TMTC4: variants seen among roughly 807,000 people sequenced by gnomAD.
TMTC4 encodes the protein transmembrane O-mannosyltransferase targeting cadherins 4.
TMTC4 carries 65 observed loss-of-function variants against 86.0 expected under a neutral mutation model. That is an observed-to-expected ratio of 0.76 (90% CI 0.62 to 0.93). The LOEUF (loss-of-function observed/expected upper bound fraction) is 0.93. TMTC4 is among the 40% of genes least tolerant of loss of function. The pLI, the probability that TMTC4 is intolerant of heterozygous loss-of-function variation, is 0.00. For missense variants in TMTC4, 866 were observed against 948.1 expected (o/e 0.91, Z 1.14); for synonymous variants, 379 against 382.5 (o/e 0.99, Z 0.11).
At chr13:100,632,867 T>C (rs114686077) in intron 12 of TMTC4, among the ~76,000 whole-genome samples, 1 of 152,322 alleles carries the variant, frequency 6.6e-6, no homozygotes, top group African/African-American at 2.4e-5. Flanking sequence ...GCAGCTCTTA[T>C]GCTGAGGACC....
intron 12 of TMTC4, among the ~76,000 whole-genome samples, chr13:100,633,956 A>G (rs1239543448): frequency 1.3e-5 from 2 of 152,194 alleles, no homozygotes; most frequent in African/African-American, 4.8e-5. Flanking sequence ...CTTGGCCAAC[A>G]TGGTGAAACT....
At chr13:100,674,709 G>A in intron 1 of TMTC4, 35 bp downstream of exon 1, 1 of 983,396 alleles carries the variant, frequency 1.0e-6, no homozygotes, top group Non-Finnish European at 1.2e-6. Flanking sequence ...GCCCCGCGGC[G>A]CGCTCGGCCC....
intron 6 of TMTC4, among the ~76,000 whole-genome samples, chr13:100,655,259 G>C (rs1884957982): frequency 6.6e-6 from 1 of 152,208 alleles, no homozygotes; most frequent in Non-Finnish European, 1.5e-5. Context: ...CTGACCTCAA[G>C]TGATCTGCTC....
chr13:100,631,926 C>A (rs902343348), intron 12 of TMTC4, among the ~76,000 whole-genome samples: 1 of 151,772 alleles, frequency 6.6e-6, no homozygotes. Flanking sequence ...TGAATAGAAT[C>A]ATTGAAAAAT....
intron 16 of TMTC4, among the ~76,000 whole-genome samples, chr13:100,613,099 G>A (rs111344020): frequency 3.3e-5 from 5 of 152,184 alleles, no homozygotes; most frequent in Admixed American, 1.3e-4. Context: ...ATTTCTTTAC[G>A]TTAGGAACAT....
At chr13:100,641,953 T>C (rs1566609134) in intron 7 of TMTC4, among the ~76,000 whole-genome samples, 2 of 152,226 alleles carry the variant, frequency 1.3e-5, no homozygotes, top group Non-Finnish European at 2.9e-5. Context: ...AGAGCACTCA[T>C]CATGGCTCCC....
chr13:100,642,153 T>C (rs967617133), intron 7 of TMTC4, 58 bp downstream of exon 7: 4 of 1,581,990 alleles, frequency 2.5e-6, no homozygotes, highest in Admixed American at 3.4e-5. Flanking sequence ...CAGATGTCTT[T>C]ATAGGAGGGA....
chr13:100,642,100 T>C (rs1883089435), intron 7 of TMTC4, 111 bp downstream of exon 7: 2 of 1,075,044 alleles, frequency 1.9e-6, no homozygotes, highest in African/African-American at 1.6e-5. Flanking sequence ...AGGCCAGCAA[T>C]GGGATGTAGG....
intron 5 of TMTC4, among the ~76,000 whole-genome samples, chr13:100,661,297 G>T (rs1457055480): frequency 6.6e-6 from 1 of 151,960 alleles, no homozygotes; most frequent in Non-Finnish European, 1.5e-5. Context: ...ATGTGTGCGT[G>T]TGAGTGTGTA....
chr13:100,651,038 C>A (rs1286168616), intron 6 of TMTC4, among the ~76,000 whole-genome samples: 1 of 152,144 alleles, frequency 6.6e-6, no homozygotes, highest in Non-Finnish European at 1.5e-5. Flanking sequence ...ATTTGAGATC[C>A]TGCCTTTGAT....
intron 6 of TMTC4, among the ~76,000 whole-genome samples, chr13:100,649,126 C>T (rs975471386): frequency 2.6e-5 from 4 of 152,094 alleles, no homozygotes; most frequent in Non-Finnish European, 4.4e-5. Flanking sequence ...TATATATATG[C>T]AGTATATATG....
intron 15 of TMTC4, among the ~76,000 whole-genome samples, chr13:100,615,230 C>T (rs940472946): frequency 2.0e-5 from 3 of 146,424 alleles, no homozygotes; most frequent in Non-Finnish European, 3.0e-5. Context: ...CTCCACCTCC[C>T]GGGTTCATGT....
At chr13:100,618,305 T>C (rs906273027) in intron 15 of TMTC4, among the ~76,000 whole-genome samples, 1 of 152,182 alleles carries the variant, frequency 6.6e-6, no homozygotes, top group Non-Finnish European at 1.5e-5. Context: ...ACTTCTTCTT[T>C]TCCTATTTAC....
chr13:100,647,844 C>G (rs1659368467), intron 6 of TMTC4, among the ~76,000 whole-genome samples: 1 of 152,130 alleles, frequency 6.6e-6, no homozygotes, highest in South Asian at 2.1e-4. Context: ...AAGGTTAAAC[C>G]AGAGACTTAA....
chr13:100,628,758 C>T (rs187187675), intron 12 of TMTC4, among the ~76,000 whole-genome samples: 31 of 152,244 alleles, frequency 2.0e-4, no homozygotes, highest in African/African-American at 7.0e-4. Flanking sequence ...AGTTTCTCAA[C>T]TAAACATGGG....
intron 1 of TMTC4, chr13:100,674,497 G>A (rs1887581855): frequency 2.5e-6 from 2 of 814,722 alleles, no homozygotes; most frequent in African/African-American, 1.8e-5. Flanking sequence ...CGGCGGGCGG[G>A]GCGCGCAGCC....
At chr13:100,617,707 C>T (rs80193094) in intron 15 of TMTC4, among the ~76,000 whole-genome samples, 88,583 of 152,020 alleles carry the variant, frequency 0.58, 26,248 homozygotes, top group Middle Eastern at 0.68. Flanking sequence ...TCTGTTTTTG[C>T]ACCAGTACCA....
intron 12 of TMTC4, among the ~76,000 whole-genome samples, chr13:100,626,587 A>G (rs1370285142): frequency 6.6e-6 from 1 of 152,108 alleles, no homozygotes; most frequent in Non-Finnish European, 1.5e-5. Flanking sequence ...CAGCCTCTCA[A>G]GTAGCTGGGA....
At chr13:100,652,299 C>T (rs1312087529) in intron 6 of TMTC4, among the ~76,000 whole-genome samples, 2 of 151,864 alleles carry the variant, frequency 1.3e-5, no homozygotes, top group South Asian at 2.1e-4. Context: ...GCCAATGTGG[C>T]GAAACCCCGT....
Sources: gnomAD v4.1 joint callset for allele counts (sites outside exome capture counted in the v4.1 genomes callset) on GRCh38, gnomAD v4.1.1 for gene constraint, MANE v1.5 for transcripts, NCBI Gene and HGNC (gene_info 2026-07-23, HGNC 2026-07-21) for gene names.